Variants in LNP1 observed in about 807,000 individuals in gnomAD.
LNP1 encodes leukemia NUP98 fusion partner 1.
LNP1 carries 12 observed loss-of-function variants against 14.5 expected under a neutral mutation model. The ratio of observed to expected loss-of-function variants is 0.83; its 90% CI spans 0.53 to 1.34. The LOEUF (loss-of-function observed/expected upper bound fraction) is 1.34, where lower values mean the gene tolerates loss of function less well. Ranked by LOEUF, LNP1 falls within the 40% of genes most tolerant of loss-of-function variation. LNP1 has a pLI of 0.00. For missense variants in LNP1, 198 were observed against 210.9 expected (o/e 0.94, Z 0.38); for synonymous variants, 75 against 71.4 (o/e 1.05, Z -0.26).
At chr3:100,421,416 T>C (rs1707142650) in intron 1 of LNP1, among the ~76,000 whole-genome samples, 1 of 152,172 alleles carries the variant, frequency 6.6e-6, no homozygotes, top group Admixed American at 6.5e-5. Flanking sequence ...CCAGAATTAA[T>C]GTTTGACCAA....
intron 1 of LNP1, among the ~76,000 whole-genome samples, chr3:100,411,592 G>A (rs1463175109): frequency 6.6e-6 from 1 of 152,192 alleles, no homozygotes; most frequent in East Asian, 1.9e-4. Context: ...TCATGCTTCT[G>A]GAGGCTGGGG....
In LNP1 at chr3:100,401,881, G is replaced by A. The variant is rs539132282; in HGVS notation, c.-592G>A. On this transcript the variant is annotated 5_prime_UTR_variant, in exon 1 of 4. Transcript: ENST00000383693. ...AAGCGATGACATCTGCGTTGTTAGG[G>A]GTTTCTTAAACTGAGTTGGTAGAAA... is the stretch of plus-strand genomic sequence containing the variant. The A allele has an allele frequency of 6.6e-6, 1 of 152,316 alleles. No homozygotes were observed. The highest frequency in any genetic ancestry group is 2.4e-5 in the African/African-American group (1 of 41,566). The allele number at this position is 152,316 out of a possible 1,614,324, so 9.4% of individuals were successfully genotyped here.
intron 3 of LNP1, among the ~76,000 whole-genome samples, chr3:100,455,037 CT>C (rs1707497282): frequency 6.6e-6 from 1 of 152,174 alleles, no homozygotes; most frequent in East Asian, 1.9e-4. Flanking sequence ...GAAAGGCACC[CT>C]CTGGCCATAT....
intron 1 of LNP1, among the ~76,000 whole-genome samples, chr3:100,404,977 A>G (rs1247915842): frequency 6.6e-6 from 1 of 151,898 alleles, no homozygotes; most frequent in Non-Finnish European, 1.5e-5. Context: ...TATTTTTAGT[A>G]GAGACGGGGT....
intron 1 of LNP1, among the ~76,000 whole-genome samples, chr3:100,421,620 T>G (rs781561361): frequency 2.0e-5 from 3 of 152,174 alleles, no homozygotes; most frequent in Non-Finnish European, 4.4e-5. Flanking sequence ...TGTTTCCACA[T>G]CTTACAAGTT....
chr3:100,405,329 T>C lies in LNP1; in HGVS notation c.-34+2890T>C, dbSNP rs181920817. ...TTCACCCATTCTGACACTTCTTAGT[T>C]CATATAAGTGAAAACTCCTAAGAGT... is the stretch of plus-strand genomic sequence containing the variant. On this transcript the variant is annotated intron_variant, in intron 1 of 3. Transcript: ENST00000383693. Among the ~76,000 whole-genome samples the C allele has an allele frequency of 1.9e-3, 291 of 152,326 alleles. 1 individual carries two copies. The highest frequency in any genetic ancestry group is 6.6e-3 in the African/African-American group (274 of 41,574).
intron 2 of LNP1, among the ~76,000 whole-genome samples, chr3:100,436,194 G>A (rs73860636): frequency 0.011 from 1,725 of 152,246 alleles, 26 homozygotes; most frequent in African/African-American, 0.03. Flanking sequence ...GCCTGGCATG[G>A]CCTTAGGTCC....
At chr3:100,408,359 G>A (rs1706991639) in intron 1 of LNP1, among the ~76,000 whole-genome samples, 1 of 152,210 alleles carries the variant, frequency 6.6e-6, no homozygotes, top group Non-Finnish European at 1.5e-5. Flanking sequence ...CCAGCACAGT[G>A]CCACGCTGAA....
chr3:100,426,110 T>G (rs1576230154), intron 1 of LNP1, among the ~76,000 whole-genome samples: 1 of 152,128 alleles, frequency 6.6e-6, no homozygotes, highest in Non-Finnish European at 1.5e-5. Context: ...TTTGACAGGG[T>G]TCTTGGGATT....
chr3:100,403,324 G>A (rs566312175), intron 1 of LNP1, among the ~76,000 whole-genome samples: 8 of 152,300 alleles, frequency 5.3e-5, no homozygotes, highest in African/African-American at 1.9e-4. Context: ...AAAAATTAAA[G>A]TTCTGTATAT....
chr3:100,439,734 C>T (rs1461594261), intron 2 of LNP1, among the ~76,000 whole-genome samples: 1 of 152,130 alleles, frequency 6.6e-6, no homozygotes, highest in African/African-American at 2.4e-5. Context: ...ACATCTATCT[C>T]CTATGCAGAT....
At chr3:100,418,597 C>G (rs1707111851) in intron 1 of LNP1, among the ~76,000 whole-genome samples, 1 of 152,180 alleles carries the variant, frequency 6.6e-6, no homozygotes, top group South Asian at 2.1e-4. Context: ...TGAAATTCCA[C>G]AGAGCTTCCT....
chr3:100,431,992 T>C (rs7374784), intron 2 of LNP1, among the ~76,000 whole-genome samples: 18 of 34,680 alleles, frequency 5.2e-4, no homozygotes, highest in Admixed American at 4.4e-3. Context: ...GAGACCTTGT[T>C]TATATATATA....
chr3:100,429,839 A>C lies in LNP1; in HGVS notation c.110A>C (p.His37Pro), dbSNP rs201658663. ...GATCAGAGAGGACTCCGGGAACGCC[A>C]CCGACTGCAAGCCACCAGTCACAGG... is the stretch of plus-strand genomic sequence containing the variant. ...EEDQRGLRER[H>P]RLQATSHRKT... The change falls in exon 2 of 4, where the codon CAC (histidine) becomes CCC (proline). Residue 37 changes from histidine to proline, a missense_variant. By Grantham distance (77) the His-to-Pro change is moderately conservative. Transcript: ENST00000383693. The C allele has an allele frequency of 6.1e-5, 99 of 1,613,968 alleles. No individual in the cohort carries two copies. In the African/African-American group the frequency reaches 1.3e-3, roughly 20 times the overall value.
intron 3 of LNP1, among the ~76,000 whole-genome samples, chr3:100,454,708 A>G (rs1300711779): frequency 6.6e-6 from 1 of 152,214 alleles, no homozygotes; most frequent in Admixed American, 6.5e-5. Flanking sequence ...GTCTTTAATC[A>G]TCACTCTATT....
intron 2 of LNP1, among the ~76,000 whole-genome samples, chr3:100,448,865 G>GT (rs1707411292): frequency 2.0e-5 from 3 of 151,816 alleles, no homozygotes; most frequent in East Asian, 1.9e-4. Context: ...TCATAAAACC[G>GT]TTTTTTTTCC....
intron 1 of LNP1, among the ~76,000 whole-genome samples, chr3:100,417,896 T>G (rs1707101937): frequency 6.6e-6 from 1 of 152,062 alleles, no homozygotes; most frequent in African/African-American, 2.4e-5. Flanking sequence ...TTTTTTTATC[T>G]TGTATTTATT....
intron 2 of LNP1, among the ~76,000 whole-genome samples, chr3:100,438,846 C>T (rs568800063): frequency 2.6e-5 from 4 of 152,182 alleles, no homozygotes; most frequent in Non-Finnish European, 5.9e-5. Context: ...GGTGCTACAG[C>T]GTGATTCACA....
At chr3:100,425,073 C>T (rs1707179926) in intron 1 of LNP1, among the ~76,000 whole-genome samples, 1 of 152,208 alleles carries the variant, frequency 6.6e-6, no homozygotes, top group African/African-American at 2.4e-5. Flanking sequence ...AGCTGACCTG[C>T]ATGCCTTCTT....
Sources: gnomAD v4.1 joint callset for allele counts (sites outside exome capture counted in the v4.1 genomes callset) on GRCh38, gnomAD v4.1.1 for gene constraint, MANE v1.5 for transcripts, NCBI Gene and HGNC (gene_info 2026-07-23, HGNC 2026-07-21) for gene names.